RP1: variants seen among roughly 807,000 people sequenced by gnomAD.
The protein encoded by RP1 is RP1 axonemal microtubule associated, also known as oxygen-regulated protein 1.
RP1 carries 16 observed loss-of-function variants against 14.8 expected under a neutral mutation model. That is an observed-to-expected ratio of 1.08 (90% CI 0.73 to 1.65). The LOEUF (loss-of-function observed/expected upper bound fraction) is 1.65. Ranked by LOEUF, RP1 falls within the 40% of genes most tolerant of loss-of-function variation. The probability of loss-of-function intolerance (pLI) is 0.00; values close to 1 mark genes in which losing one functional copy is unlikely to be tolerated. For synonymous variants in RP1, 876 were observed against 883.6 expected (o/e 0.99, Z 0.15); for missense variants, 2,631 against 2,535.0 (o/e 1.04, Z -0.81).
intron 1 of RP1, among the ~76,000 whole-genome samples, chr8:54,601,713 G>A (rs1805298536): frequency 6.6e-6 from 1 of 151,472 alleles, no homozygotes; most frequent in South Asian, 2.1e-4. Flanking sequence ...TTCAAATGGT[G>A]AATGAATAAA....
chr8:54,848,096 C>G (rs1811972991), intron 25 of RP1, among the ~76,000 whole-genome samples: 2 of 152,220 alleles, frequency 1.3e-5, no homozygotes, highest in African/African-American at 4.8e-5. Flanking sequence ...TCCCTTCTCC[C>G]TCCTGTTGCA....
intron 15 of RP1, among the ~76,000 whole-genome samples, chr8:54,708,729 T>C (rs112508684): frequency 6.6e-6 from 1 of 152,074 alleles, no homozygotes; most frequent in Non-Finnish European, 1.5e-5. Context: ...TTTTTTTTTT[T>C]TCTCAGTGTG....
rs534755209 is a variant in RP1 at position 54,584,216 on chromosome 8, G to A, written c.-13+24896G>A. On this transcript the variant is annotated intron_variant, in intron 1 of 22. Coordinates refer to the RP1 transcript ENST00000636932. The stretch of plus-strand genomic sequence containing the variant: ...GTATGTTGTGTCTTTGTTCTCATTG[G>A]TTTCAAAGAACATCTTTATTTCTGT... Among the ~76,000 whole-genome samples the A allele has an allele frequency of 1.6e-4, 25 of 152,260 alleles. No individual in the cohort carries two copies. The East Asian group carries it at 3.3e-3, about 20-fold the overall frequency.
At chr8:54,562,429 T>G (rs1804306088) in intron 1 of RP1, among the ~76,000 whole-genome samples, 2 of 152,214 alleles carry the variant, frequency 1.3e-5, no homozygotes, top group Non-Finnish European at 2.9e-5. Flanking sequence ...GGCTCACGCC[T>G]GTAATCCCAG....
intron 17 of RP1, among the ~76,000 whole-genome samples, chr8:54,727,550 T>C (rs538251352): frequency 7.8e-4 from 119 of 152,236 alleles, no homozygotes; most frequent in Non-Finnish European, 1.5e-3. Context: ...CTGGCAAAAA[T>C]ATTTTTTAAA....
intron 25 of RP1, among the ~76,000 whole-genome samples, chr8:54,849,255 T>C (rs2129407407): frequency 6.6e-6 from 1 of 152,172 alleles, no homozygotes; most frequent in East Asian, 1.9e-4. Context: ...AAGTACATTG[T>C]ATTTTCTGTT....
chr8:54,685,291 T>C (rs1807537275), intron 12 of RP1, among the ~76,000 whole-genome samples: 1 of 152,148 alleles, frequency 6.6e-6, no homozygotes, highest in Non-Finnish European at 1.5e-5. Context: ...TGAGGGCATT[T>C]AGTGCTATAA....
At chr8:54,564,232 C>T (rs1035940915) in intron 1 of RP1, among the ~76,000 whole-genome samples, 5 of 152,094 alleles carry the variant, frequency 3.3e-5, no homozygotes, top group African/African-American at 4.8e-5. Context: ...TTGGTCATTG[C>T]AGGGTCTGAG....
At chr8:54,851,074 T>C (rs985637271) in intron 25 of RP1, among the ~76,000 whole-genome samples, 1 of 152,182 alleles carries the variant, frequency 6.6e-6, no homozygotes, top group Non-Finnish European at 1.5e-5. Flanking sequence ...TGTGCGTGCA[T>C]GTGTGCATGT....
chr8:54,631,757 C>T (rs972162191), downstream of RP1, among the ~76,000 whole-genome samples: 2 of 151,926 alleles, frequency 1.3e-5, no homozygotes, highest in African/African-American at 4.8e-5. Context: ...TCCTCAGCTT[C>T]TCAAGTAGGT....
chr8:54,604,288 G>T (rs1805371608), intron 1 of RP1, among the ~76,000 whole-genome samples: 1 of 152,156 alleles, frequency 6.6e-6, no homozygotes, highest in Non-Finnish European at 1.5e-5. Context: ...TGCATCTATT[G>T]AGATAATCAT....
chr8:54,866,053 C>T (rs185146292), intron 28 of RP1: 225 of 396,524 alleles, frequency 5.7e-4, no homozygotes, highest in African/African-American at 3.9e-3. Flanking sequence ...AAGGCCTTCT[C>T]TCCTCAAGAA....
intron 24 of RP1, among the ~76,000 whole-genome samples, chr8:54,795,541 G>T (rs1210819908): frequency 1.3e-5 from 2 of 152,056 alleles, no homozygotes; most frequent in African/African-American, 2.4e-5. Context: ...AAAGAATATG[G>T]CATGGCCTAC....
exon 7 of RP1, chr8:54,663,791 G>T (rs1371815655): frequency 6.5e-7 from 1 of 1,535,146 alleles, no homozygotes; most frequent in Non-Finnish European, 8.7e-7. Context: ...GGAAAAGGGA[G>T]ATACAGGATC....
In RP1 at chr8:54,726,526, T is replaced by G. The variant is rs943506418; in HGVS notation, c.2521+50T>G. On this transcript the variant is annotated intron_variant, in intron 17 of 22. Transcript: ENST00000636932. ...ACTTTTGGTTTGTTTGCTGCATTATTTCTTCCTGTGGCCATTGCAGGAAGA... is the reference window on the plus strand; with the variant it reads ...ACTTTTGGTTTGTTTGCTGCATTATGTCTTCCTGTGGCCATTGCAGGAAGA... 5.3e-6 allele frequency: 8 copies of G among 1,497,178 alleles called. No homozygotes were observed. The Admixed American group carries it at 7.1e-5, about 13-fold the overall frequency. 92.7% of individuals were successfully genotyped at this position (1,497,178 alleles called of 1,614,324 possible).
chr8:54,671,964 C>A (rs972604613), intron 7 of RP1, among the ~76,000 whole-genome samples: 5 of 152,114 alleles, frequency 3.3e-5, no homozygotes, highest in Admixed American at 6.6e-5. Context: ...GAGTCACGTG[C>A]TTTACTAGGG....
At chr8:54,749,280 G>A (rs776702669) in intron 19 of RP1, among the ~76,000 whole-genome samples, 12 of 151,480 alleles carry the variant, frequency 7.9e-5, no homozygotes, top group Non-Finnish European at 1.5e-4. Context: ...GCAGTGAGTC[G>A]AGATCACGCC....
Position 54,755,755 on chromosome 8 carries a change from AT to A in RP1, c.3081del (p.Gln1028LysfsTer10). ...TGTACAAATCTAACATGCAAGTAAA[AT>A]TTCAAAGAGGACAGGTGAGTCTATA... On this transcript the variant is annotated frameshift_variant, in exon 21 of 23. Transcript: ENST00000636932. LOFTEE classifies it high-confidence loss of function. The A allele has an allele frequency of 6.6e-7, 1 of 1,525,974 alleles. No homozygotes were observed. Among genetic ancestry groups the A allele is most frequent in the Non-Finnish European group, 8.8e-7 (1 of 1,140,700 alleles). 94.5% of individuals were successfully genotyped at this position (1,525,974 alleles called of 1,614,324 possible).
chr8:54,842,955 G>A lies in RP1; in HGVS notation c.3835+5286G>A, dbSNP rs146487508. ...TGCTCAGGTCTCTGATCCAAGGGAC[G>A]TTTCCAGTGCTGCTTTCCTGGCAAC... On this transcript the variant is annotated intron_variant, in intron 25 of 28. Coordinates refer to the RP1 transcript ENST00000637698. Among the ~76,000 whole-genome samples the A allele has an allele frequency of 3.3e-3, 509 of 152,260 alleles. 1 individual carries two copies. Among genetic ancestry groups the A allele is most frequent in the African/African-American group, 0.011 (470 of 41,550 alleles).
Sources: gnomAD v4.1 joint callset for allele counts (sites outside exome capture counted in the v4.1 genomes callset) on GRCh38, gnomAD v4.1.1 for gene constraint, MANE v1.5 for transcripts, NCBI Gene and HGNC (gene_info 2026-07-23, HGNC 2026-07-21) for gene names.